The following SYT1 variants were observed in gnomAD, a reference collection of about 807,000 sequenced individuals.
The protein encoded by SYT1 is synaptotagmin 1, also known as synaptotagmin-1.
Under a neutral mutation model 44.8 loss-of-function variants are expected in SYT1, and 8 were observed. That is an observed-to-expected ratio of 0.18 (90% CI 0.10 to 0.32). SYT1 has a LOEUF of 0.32. Ranked by LOEUF, SYT1 falls within the 10% of genes least tolerant of loss-of-function variation. The pLI, the probability that SYT1 is intolerant of heterozygous loss-of-function variation, is 1.00. For missense variants in SYT1, 286 were observed against 509.3 expected (o/e 0.56, Z 4.22); for synonymous variants, 154 against 188.8 (o/e 0.82, Z 1.51).
At chr12:79,418,852 A>G (rs559426478) in intron 9 of SYT1, among the ~76,000 whole-genome samples, 11 of 152,228 alleles carry the variant, frequency 7.2e-5, no homozygotes, top group Non-Finnish European at 1.2e-4. Context: ...TCAATGCTGT[A>G]TGCACGTTAG....
chr12:79,364,704 T>C (rs1024401015), intron 9 of SYT1, among the ~76,000 whole-genome samples: 2 of 152,178 alleles, frequency 1.3e-5, no homozygotes, highest in East Asian at 3.8e-4. Flanking sequence ...GATTAAGAAA[T>C]TAATAGATTT....
At chr12:78,939,759 T>A (rs1230071930) in intron 1 of SYT1, among the ~76,000 whole-genome samples, 1 of 152,196 alleles carries the variant, frequency 6.6e-6, no homozygotes, top group Non-Finnish European at 1.5e-5. Context: ...AAGCATGACA[T>A]TGGCATCATG....
At chr12:79,343,659 G>C (rs562999399) in intron 8 of SYT1, among the ~76,000 whole-genome samples, 1 of 152,210 alleles carries the variant, frequency 6.6e-6, no homozygotes, top group African/African-American at 2.4e-5. Context: ...TTTGTCTTTT[G>C]TCAGTAATAA....
chr12:78,905,428 C>T (rs1295390694), intron 1 of SYT1, among the ~76,000 whole-genome samples: 1 of 151,982 alleles, frequency 6.6e-6, no homozygotes. Context: ...ACAGTGGTGT[C>T]CCGGTGGTAA....
intron 1 of SYT1, among the ~76,000 whole-genome samples, chr12:78,950,331 T>C (rs1051715823): frequency 1.2e-4 from 18 of 152,086 alleles, no homozygotes; most frequent in Non-Finnish European, 4.4e-5. Context: ...TGAAGTATCT[T>C]TTTAATACAG....
At chr12:79,365,964 T>A (rs914756057) in intron 9 of SYT1, among the ~76,000 whole-genome samples, 7 of 151,968 alleles carry the variant, frequency 4.6e-5, no homozygotes, top group African/African-American at 1.7e-4. Context: ...TGAAAAGATA[T>A]GTGACAGTCA....
intron 1 of SYT1, among the ~76,000 whole-genome samples, chr12:78,912,561 A>G (rs1376446272): frequency 6.6e-6 from 1 of 151,902 alleles, no homozygotes; most frequent in African/African-American, 2.4e-5. Context: ...CAATTTTAGG[A>G]AGTGTATATA....
intron 9 of SYT1, among the ~76,000 whole-genome samples, chr12:79,369,547 T>C (rs1033624529): frequency 6.6e-6 from 1 of 152,224 alleles, no homozygotes; most frequent in African/African-American, 2.4e-5. Context: ...GATTAAGGGC[T>C]GCTTTCTTTT....
rs181951384 is a variant in SYT1 at position 79,445,645 on chromosome 12, G to A, written c.1062+1439G>A. On this transcript the variant is annotated intron_variant, in intron 10 of 10. Transcript: ENST00000261205. ...ACAGGATTCATTCTTTTTTATGGCC[G>A]AATAGTATTCCATTGTGTATATGTA... Among the ~76,000 whole-genome samples, 829 of 151,656 alleles carry A rather than the reference G, an allele frequency of 5.5e-3. 7 individuals are homozygous for A. The highest frequency in any genetic ancestry group is 0.019 in the African/African-American group (793 of 41,366).
At chr12:78,976,048 G>A (rs568524861) in intron 1 of SYT1, among the ~76,000 whole-genome samples, 54 of 152,278 alleles carry the variant, frequency 3.5e-4, no homozygotes, top group African/African-American at 1.3e-3. Context: ...GTTTTTTAGA[G>A]TGAGAAATTA....
At chr12:79,156,442 CTGTTGT>C (rs34284800) in intron 3 of SYT1, among the ~76,000 whole-genome samples, 5,565 of 141,990 alleles carry the variant, frequency 0.039, 220 homozygotes, top group East Asian at 0.15. Flanking sequence ...GTTGTTGCTG[CTGTTGT>C]TGTTGTTGTT....
intron 9 of SYT1, among the ~76,000 whole-genome samples, chr12:79,408,819 T>A (rs541027088): frequency 2.2e-4 from 34 of 152,096 alleles, no homozygotes; most frequent in Admixed American, 1.1e-3. Context: ...CGGAGAGTTA[T>A]GGCACACAAA....
At chr12:79,197,372 A>G (rs1873522667) in intron 3 of SYT1, among the ~76,000 whole-genome samples, 2 of 152,286 alleles carry the variant, frequency 1.3e-5, no homozygotes, top group South Asian at 4.1e-4. Flanking sequence ...AGGGTACAAA[A>G]TTCAGGGTGG....
chr12:79,239,906 C>T (rs1195714448), intron 4 of SYT1, among the ~76,000 whole-genome samples: 1 of 152,196 alleles, frequency 6.6e-6, no homozygotes, highest in African/African-American at 2.4e-5. Flanking sequence ...TTCTTCAAGG[C>T]CAGTGGAACA....
chr12:79,303,553 G>A (rs991583441), intron 8 of SYT1, among the ~76,000 whole-genome samples: 1 of 151,968 alleles, frequency 6.6e-6, no homozygotes, highest in African/African-American at 2.4e-5. Context: ...ATGAGATTCT[G>A]TAATCTAGTG....
chr12:79,150,959 G>A (rs188845200), intron 3 of SYT1, among the ~76,000 whole-genome samples: 2 of 152,136 alleles, frequency 1.3e-5, no homozygotes, highest in East Asian at 1.9e-4. Flanking sequence ...ATAAAGGGGA[G>A]CATGATTTTG....
At chr12:79,210,703 A>G (rs185834383) in intron 3 of SYT1, among the ~76,000 whole-genome samples, 1 of 152,340 alleles carries the variant, frequency 6.6e-6, no homozygotes, top group East Asian at 1.9e-4. Context: ...GTGCTGCTAT[A>G]AACATGCATG....
intron 3 of SYT1, among the ~76,000 whole-genome samples, chr12:79,191,585 T>C (rs1170678693): frequency 6.6e-6 from 1 of 152,160 alleles, no homozygotes; most frequent in African/African-American, 2.4e-5. Flanking sequence ...CTTACACTTA[T>C]ACACATGAGG....
intron 2 of SYT1, among the ~76,000 whole-genome samples, chr12:78,997,004 A>G (rs1870423607): frequency 6.6e-6 from 1 of 152,240 alleles, no homozygotes; most frequent in South Asian, 2.1e-4. Context: ...AGGCTTTAGC[A>G]TCTCAAAGAG....
Sources: allele counts gnomAD v4.1 joint callset (sites outside exome capture counted in the v4.1 genomes callset), GRCh38; gene constraint gnomAD v4.1.1; transcripts MANE v1.5; gene names NCBI Gene and HGNC (gene_info 2026-07-23, HGNC 2026-07-21).